The following CACNA1A variants were observed in gnomAD, a reference collection of about 807,000 sequenced individuals.
CACNA1A encodes calcium voltage-gated channel subunit alpha1 A, also known as voltage-dependent P/Q-type calcium channel subunit alpha-1A.
CACNA1A carries 57 observed loss-of-function variants against 262.4 expected under a neutral mutation model. The ratio of observed to expected loss-of-function variants is 0.22; its 90% confidence interval spans 0.18 to 0.27. The LOEUF (loss-of-function observed/expected upper bound fraction) is 0.27, where lower values mean the gene tolerates loss of function less well. CACNA1A is among the 10% of genes least tolerant of loss of function. The probability of loss-of-function intolerance (pLI) is 1.00; values close to 1 mark genes in which losing one functional copy is unlikely to be tolerated. For missense variants in CACNA1A, 2,526 were observed against 3,562.8 expected (o/e 0.71, Z 7.41); for synonymous variants, 1,431 against 1,419.3 (o/e 1.01, Z -0.18).
chr19:13,332,347 G>A (rs2058481816), intron 9 of CACNA1A, among the ~76,000 whole-genome samples: 1 of 151,900 alleles, frequency 6.6e-6, no homozygotes, highest in Non-Finnish European at 1.5e-5. Flanking sequence ...TTGCAGTGAG[G>A]TGAGATCGTG....
chr19:13,484,053 G>C (rs1244462278), intron 1 of CACNA1A, among the ~76,000 whole-genome samples: 1 of 152,136 alleles, frequency 6.6e-6, no homozygotes, highest in Non-Finnish European at 1.5e-5. Context: ...GTGTGAGCTT[G>C]AGTAATTGGG....
intron 4 of CACNA1A, among the ~76,000 whole-genome samples, chr19:13,369,037 C>CAAAAA: frequency 2.0e-5 from 1 of 48,794 alleles, no homozygotes; most frequent in Non-Finnish European, 4.3e-5. Context: ...GACTCCGTCT[C>CAAAAA]AAAAAAAAAA....
intron 1 of CACNA1A, among the ~76,000 whole-genome samples, chr19:13,468,330 C>CT (rs1454377541): frequency 6.6e-6 from 1 of 152,074 alleles, no homozygotes; most frequent in Non-Finnish European, 1.5e-5. Context: ...TGTGAGGTCT[C>CT]TGTCTCCTGA....
At chr19:13,412,259 T>C (rs967002977) in intron 3 of CACNA1A, among the ~76,000 whole-genome samples, 6 of 151,906 alleles carry the variant, frequency 3.9e-5, no homozygotes, top group Non-Finnish European at 8.8e-5. Flanking sequence ...GAGGTCTCAC[T>C]GTGTTGCCCA....
At chr19:13,389,810 ATTTAT>A (rs2059681626) in intron 3 of CACNA1A, among the ~76,000 whole-genome samples, 1 of 151,270 alleles carries the variant, frequency 6.6e-6, no homozygotes, top group South Asian at 2.1e-4. Context: ...CTTTATTATT[ATTTAT>A]TTATTTATTT....
At chr19:13,287,605 G>T (rs1016788896) in intron 19 of CACNA1A, among the ~76,000 whole-genome samples, 1 of 151,968 alleles carries the variant, frequency 6.6e-6, no homozygotes, top group African/African-American at 2.4e-5. Context: ...AGGTTCAAGC[G>T]ATTCTCTTGC....
chr19:13,294,896 C>T (rs2057630010), intron 19 of CACNA1A, among the ~76,000 whole-genome samples: 1 of 152,140 alleles, frequency 6.6e-6, no homozygotes, highest in South Asian at 2.1e-4. Context: ...GACTGACAGC[C>T]CCAGAGTCTC....
intron 10 of CACNA1A, among the ~76,000 whole-genome samples, chr19:13,323,230 G>A (rs1346114389): frequency 2.7e-4 from 41 of 152,136 alleles, no homozygotes; most frequent in Non-Finnish European, 2.9e-5. Flanking sequence ...CTGCGCTCCA[G>A]CTTGGGTGAC....
At chr19:13,299,493 G>A in intron 18 of CACNA1A, 140 bp from the exon 19 acceptor site, 1 of 761,268 alleles carries the variant, frequency 1.3e-6, no homozygotes, top group East Asian at 2.4e-5. Flanking sequence ...AGGAGTCTGT[G>A]AGCATCTGAG....
chr19:13,224,500 AAAAAAC>A (rs1568435804), intron 38 of CACNA1A, among the ~76,000 whole-genome samples, 161 bp downstream of exon 38: 1 of 151,668 alleles, frequency 6.6e-6, no homozygotes, highest in African/African-American at 2.4e-5. Flanking sequence ...AAAAAAAAAA[AAAAAAC>A]ACCAAAACCC....
chr19:13,435,431 T>G (rs1191330289), intron 3 of CACNA1A, among the ~76,000 whole-genome samples: 1 of 151,904 alleles, frequency 6.6e-6, no homozygotes, highest in Non-Finnish European at 1.5e-5. Context: ...GTTATAGCAA[T>G]GTGAGAACGG....
chr19:13,466,307 CTTTT>C (rs558130236), intron 1 of CACNA1A, among the ~76,000 whole-genome samples: 2 of 134,220 alleles, frequency 1.5e-5, no homozygotes, highest in Non-Finnish European at 3.3e-5. Context: ...AGGCTCTGTC[CTTTT>C]TTTTTTTTTT....
intron 19 of CACNA1A, among the ~76,000 whole-genome samples, chr19:13,295,466 G>T: frequency 6.7e-6 from 1 of 149,988 alleles, no homozygotes. Context: ...TAGTTTGCTT[G>T]TTTGTTTGGG....
Position 13,212,487 on chromosome 19 carries a change from G to T in CACNA1A, c.6086C>A (p.Ser2029Tyr), listed in dbSNP as rs748846048. 6.3e-7 allele frequency: 1 copy of T among 1,591,344 alleles called. No homozygotes were observed. The change falls in exon 42 of 47, where the codon TCC (serine) becomes TAC (tyrosine). Residue 2029 changes from serine to tyrosine, a missense_variant. Around this residue, in one of 17 missense-constraint regions of CACNA1A, gnomAD observed 929 missense variants for 868.1 expected, o/e 1.07. Coordinates refer to ENST00000360228, the MANE Select transcript of CACNA1A (RefSeq NM_001127222.2). This position sits in a 1 kb window ranked among gnomAD's most constrained non-coding sequence, Gnocchi z 5.6. ...CTCCTGGGCACGCTGGGTCACCCAG[G>T]ACGGGCTCTCCTTGAGGCCGCTTTC... is the stretch of plus-strand genomic sequence containing the variant. Reference protein sequence around the residue: ...AHESGLKESPSWVTQRAQEMF... With the variant: ...AHESGLKESPYWVTQRAQEMF...
At chr19:13,335,930 A>G (rs887368694) in intron 6 of CACNA1A, 21 bp from the exon 7 acceptor site, 2 of 1,479,018 alleles carry the variant, frequency 1.4e-6, no homozygotes, top group African/African-American at 2.8e-5. Flanking sequence ...TGAGGAGGGA[A>G]AGCAGGTGAG....
intron 6 of CACNA1A, among the ~76,000 whole-genome samples, chr19:13,354,873 T>TC (rs2058979568): frequency 6.6e-4 from 43 of 64,838 alleles, no homozygotes; most frequent in African/African-American, 1.8e-3. Context: ...CTTTTTCTTT[T>TC]TTTTTTTTTT....
chr19:13,268,113 T>A (rs1401582432), intron 24 of CACNA1A, among the ~76,000 whole-genome samples: 1 of 152,076 alleles, frequency 6.6e-6, no homozygotes, highest in Non-Finnish European at 1.5e-5. Context: ...GTCTGTGGAA[T>A]TCTGATGTTT....
intron 3 of CACNA1A, among the ~76,000 whole-genome samples, chr19:13,444,695 C>A (rs1463362605): frequency 6.6e-6 from 1 of 152,064 alleles, no homozygotes; most frequent in Non-Finnish European, 1.5e-5. Context: ...ACTTCCATTG[C>A]CCAAAAAGCC....
intron 3 of CACNA1A, among the ~76,000 whole-genome samples, chr19:13,422,616 A>G (rs1188075173): frequency 6.6e-6 from 1 of 152,162 alleles, no homozygotes; most frequent in Non-Finnish European, 1.5e-5. Context: ...TATGCTCACA[A>G]TGGGATCTAT....
Sources: gnomAD v4.1 joint callset for allele counts (sites outside exome capture counted in the v4.1 genomes callset) on GRCh38, gnomAD v4.1.1 for gene constraint, gnomAD v4.1.1 regional missense constraint, Gnocchi (gnomAD v3.1) non-coding constraint, MANE v1.5 for transcripts, NCBI Gene and HGNC (gene_info 2026-07-23, HGNC 2026-07-21) for gene names.